PTN: variants seen among roughly 807,000 people sequenced by gnomAD.
PTN encodes the protein heparin affin regulatory protein.
PTN carries 18 observed loss-of-function variants against 24.1 expected under a neutral mutation model. The observed-to-expected ratio is 0.75, with a 90% CI of 0.52 to 1.11. The LOEUF (loss-of-function observed/expected upper bound fraction) is 1.11, where lower values mean the gene tolerates loss of function less well. Among genes scored for constraint, PTN ranks in the 50% least tolerant of loss-of-function variants. The pLI is 0.00. For missense variants in PTN, 163 were observed against 198.8 expected (o/e 0.82, Z 1.08); for synonymous variants, 78 against 68.6 (o/e 1.14, Z -0.67).
At position 137,300,408 on chromosome 7, in the gene PTN, C is replaced by A. The variant is rs12386698; in HGVS notation, c.-2+43031G>T. On this transcript the variant is annotated intron_variant, in intron 1 of 4. Coordinates refer to ENST00000348225, the MANE Select transcript of PTN (RefSeq NM_002825.7). Reference sequence around the variant, plus strand: ...CAGGTGCTAGGGACCAGAGACAGAGCAAAACACAGTGCAGTACCTGCCCTC... The same window carrying A: ...CAGGTGCTAGGGACCAGAGACAGAGAAAAACACAGTGCAGTACCTGCCCTC... Among the ~76,000 whole-genome samples the A allele has an allele frequency of 5.4e-3, 827 of 151,992 alleles. 4 individuals carry two copies. The highest frequency in any genetic ancestry group is 0.019 in the African/African-American group (797 of 41,474).
intron 1 of PTN, among the ~76,000 whole-genome samples, chr7:137,277,436 G>C (rs183362308): frequency 6.6e-6 from 1 of 152,264 alleles, no homozygotes; most frequent in Admixed American, 6.5e-5. Context: ...ACTTAGGTCT[G>C]CACTAAGGCA....
chr7:137,291,311 A>G (rs1483908229), intron 1 of PTN, among the ~76,000 whole-genome samples: 2 of 152,096 alleles, frequency 1.3e-5, no homozygotes, highest in African/African-American at 2.4e-5. Context: ...TATATTTTAT[A>G]CTACATGTTT....
chr7:137,306,459 C>T (rs1353633817), intron 1 of PTN, among the ~76,000 whole-genome samples: 1 of 152,060 alleles, frequency 6.6e-6, no homozygotes, highest in Non-Finnish European at 1.5e-5. Flanking sequence ...CATCCATACT[C>T]ACGAAAGGCT....
intron 1 of PTN, among the ~76,000 whole-genome samples, chr7:137,329,712 A>C (rs1299444833): frequency 1.3e-5 from 2 of 152,206 alleles, no homozygotes; most frequent in Non-Finnish European, 2.9e-5. Flanking sequence ...AAGTAGTAAA[A>C]TGTTACTCCA....
In PTN at chr7:137,267,367, C is replaced by T. The variant is rs548401972; in HGVS notation, c.-1-12393G>A. ...CTGGTCTTTCCTTGCCTCTGCCAGC[C>T]GCTTATGCTGCTGTTCTCTTAACTA... On this transcript the variant is annotated intron_variant, in intron 1 of 4. Transcript: ENST00000348225. Among the ~76,000 whole-genome samples the T allele has an allele frequency of 1.3e-3, 205 of 152,012 alleles. 1 individual carries two copies. The highest frequency in any genetic ancestry group is 1.5e-3 in the Non-Finnish European group (99 of 67,988).
intron 1 of PTN, among the ~76,000 whole-genome samples, chr7:137,268,367 C>T (rs1290432719): frequency 6.6e-6 from 1 of 151,392 alleles, no homozygotes; most frequent in African/African-American, 2.4e-5. Context: ...CAGGACGAGC[C>T]GCGGACAGGA....
Position 137,227,988 on chromosome 7 carries a change from A to T in PTN, c.*32T>A. 1 of 1,602,492 alleles carries T rather than the reference A, an allele frequency of 6.2e-7. No individual in the cohort carries two copies. On this transcript the variant is annotated 3_prime_UTR_variant, in exon 5 of 5. Transcript: ENST00000348225. Reference sequence around the variant, plus strand: ...AATAGTTAACTGATCCTGTTTGCTGATGTCCTTTTTATGTTCCACAGGTGA... The same window carrying T: ...AATAGTTAACTGATCCTGTTTGCTGTTGTCCTTTTTATGTTCCACAGGTGA...
chr7:137,337,477 T>C (rs1204274437), intron 1 of PTN, among the ~76,000 whole-genome samples: 1 of 152,100 alleles, frequency 6.6e-6, no homozygotes, highest in East Asian at 1.9e-4. Context: ...AAAAAATAAA[T>C]GTGAAACATT....
rs76099287 is a variant in PTN, at chr7:137,297,424, T to C, written c.-1-42450A>G. The stretch of plus-strand genomic sequence containing the variant: ...TAGATGGCATACTCAAGTGGATGCA[T>C]TGAGGATAATTTCATGAATGCATTA... On this transcript the variant is annotated intron_variant, in intron 1 of 4. Transcript: ENST00000348225. Among the ~76,000 whole-genome samples the C allele has an allele frequency of 2.0e-5, 3 of 152,150 alleles. No homozygotes were observed. The South Asian group carries it at 6.2e-4, about 32-fold the overall frequency.
intron 1 of PTN, among the ~76,000 whole-genome samples, chr7:137,318,065 G>A (rs1810102726): frequency 6.6e-6 from 1 of 152,168 alleles, no homozygotes; most frequent in Non-Finnish European, 1.5e-5. Context: ...CCAGGAGTTT[G>A]AGACCAGCCT....
At chr7:137,310,411 T>G (rs949571619) in intron 1 of PTN, among the ~76,000 whole-genome samples, 3 of 150,576 alleles carry the variant, frequency 2.0e-5, no homozygotes, top group African/African-American at 7.3e-5. Flanking sequence ...TTTGTTTTTT[T>G]TTTTTTTGAG....
chr7:137,288,992 T>C (rs1809600247), intron 1 of PTN, among the ~76,000 whole-genome samples: 1 of 152,194 alleles, frequency 6.6e-6, no homozygotes, highest in Non-Finnish European at 1.5e-5. Context: ...TGCACTTATA[T>C]GCAGGTGCTA....
intron 4 of PTN, among the ~76,000 whole-genome samples, chr7:137,240,571 G>A (rs1380911921): frequency 6.6e-6 from 1 of 152,194 alleles, no homozygotes; most frequent in Non-Finnish European, 1.5e-5. Context: ...ACAGTTCCAG[G>A]TTTCAAGAAC....
At chr7:137,328,673 C>G (rs1810302343) in intron 1 of PTN, among the ~76,000 whole-genome samples, 1 of 152,136 alleles carries the variant, frequency 6.6e-6, no homozygotes, top group Admixed American at 6.6e-5. Context: ...TTGAGCAGCT[C>G]CTAGACACCC....
At position 137,343,432 on chromosome 7, in the gene PTN, C is replaced by T. The variant is rs942025353; in HGVS notation, c.-2+7G>A. The T allele has an allele frequency of 3.9e-6, 2 of 512,990 alleles. No individual in the cohort carries two copies. The highest frequency in any genetic ancestry group is 7.8e-6 in the Non-Finnish European group (2 of 256,580). The allele number at this position is 512,990 out of a possible 1,614,324, so 31.8% of individuals were successfully genotyped here. ...CCTCCGAGAAATCGTACGTTCCTCTCACTTACTTTGAGTTGGAAACGTCCT... is the reference window on the plus strand; with the variant it reads ...CCTCCGAGAAATCGTACGTTCCTCTTACTTACTTTGAGTTGGAAACGTCCT... On this transcript the variant is annotated splice_region_variant and intron_variant, in intron 1 of 4. Transcript: ENST00000348225.
intron 4 of PTN, among the ~76,000 whole-genome samples, chr7:137,234,943 G>C (rs1333286548): frequency 1.3e-5 from 2 of 151,968 alleles, no homozygotes. Context: ...GTATTGATTA[G>C]AATAGAAATA....
At chr7:137,237,318 C>A (rs1332718361) in intron 4 of PTN, among the ~76,000 whole-genome samples, 1 of 152,106 alleles carries the variant, frequency 6.6e-6, no homozygotes, top group Non-Finnish European at 1.5e-5. Context: ...CCAACCCTGA[C>A]AATACCTTGA....
At chr7:137,261,745 G>A (rs1809041874) in intron 1 of PTN, among the ~76,000 whole-genome samples, 1 of 152,150 alleles carries the variant, frequency 6.6e-6, no homozygotes, top group South Asian at 2.1e-4. Context: ...CAGCTGTGTA[G>A]AAGTATGATT....
intron 3 of PTN, among the ~76,000 whole-genome samples, chr7:137,252,148 T>G (rs1808838564): frequency 6.6e-6 from 1 of 151,926 alleles, no homozygotes; most frequent in Non-Finnish European, 1.5e-5. Context: ...CAATTTCCAC[T>G]GGCAACATAT....
Sources: allele counts gnomAD v4.1 joint callset (sites outside exome capture counted in the v4.1 genomes callset), GRCh38; gene constraint gnomAD v4.1.1; transcripts MANE v1.5; gene names NCBI Gene and HGNC (gene_info 2026-07-23, HGNC 2026-07-21).